The following BCAS3 variants were observed in gnomAD, a reference collection of about 807,000 sequenced individuals.
BCAS3 encodes BCAS4/BCAS3 fusion.
A neutral mutation model predicts 116.1 loss-of-function variants in BCAS3; 53 were observed. The observed-to-expected ratio is 0.46, with a 90% confidence interval of 0.37 to 0.57. The LOEUF is 0.57. BCAS3 is among the 20% of genes least tolerant of loss of function. The probability of loss-of-function intolerance (pLI) is 0.00; values close to 1 mark genes in which losing one functional copy is unlikely to be tolerated. For missense variants in BCAS3, 917 were observed against 1,165.4 expected (o/e 0.79, Z 3.10); for synonymous variants, 391 against 408.2 (o/e 0.96, Z 0.51).
At chr17:61,209,828 G>T (rs1473758717) in intron 22 of BCAS3, among the ~76,000 whole-genome samples, 2 of 152,184 alleles carry the variant, frequency 1.3e-5, no homozygotes, top group Non-Finnish European at 2.9e-5. Context: ...TGGATGGCCG[G>T]CCAGCATAAT....
At chr17:60,868,513 A>G (rs767677837) in intron 7 of BCAS3, 63 bp from the exon 8 acceptor site, 13 of 939,708 alleles carry the variant, frequency 1.4e-5, no homozygotes, top group Non-Finnish European at 2.0e-5. Context: ...ATGAGAAAGT[A>G]TAGAGATTAT....
At chr17:61,370,034 C>G (rs2058965851) in intron 23 of BCAS3, among the ~76,000 whole-genome samples, 1 of 152,204 alleles carries the variant, frequency 6.6e-6, no homozygotes. Context: ...GAGCATCTCA[C>G]TGTCATCCGG....
intron 22 of BCAS3, among the ~76,000 whole-genome samples, chr17:61,338,139 CT>C (rs1225009670): frequency 1.3e-5 from 2 of 152,234 alleles, no homozygotes; most frequent in African/African-American, 2.4e-5. Flanking sequence ...TCAAGTGGTT[CT>C]GATTTTAAGT....
chr17:61,254,542 G>A (rs1371169001), intron 22 of BCAS3, among the ~76,000 whole-genome samples: 2 of 152,054 alleles, frequency 1.3e-5, no homozygotes, highest in African/African-American at 4.8e-5. Context: ...ACTTTGGGAG[G>A]CCGTGGCGGG....
chr17:60,965,813 C>G (rs2061632313), intron 14 of BCAS3, among the ~76,000 whole-genome samples: 1 of 152,162 alleles, frequency 6.6e-6, no homozygotes, highest in Middle Eastern at 3.2e-3. Context: ...AAAATGTATG[C>G]TGCAGCAGTT....
intron 4 of BCAS3, among the ~76,000 whole-genome samples, chr17:60,699,512 C>G (rs937830512): frequency 6.6e-6 from 1 of 152,146 alleles, no homozygotes; most frequent in Middle Eastern, 3.2e-3. Flanking sequence ...TGAGCCACCA[C>G]GCCCAGCCAA....
At chr17:60,883,083 G>A (rs1485300204) in intron 9 of BCAS3, among the ~76,000 whole-genome samples, 2 of 139,732 alleles carry the variant, frequency 1.4e-5, no homozygotes, top group African/African-American at 5.5e-5. Flanking sequence ...AGCATGAAAT[G>A]TTCTTCCATT....
At chr17:60,797,220 A>G (rs569009729) in intron 6 of BCAS3, among the ~76,000 whole-genome samples, 99 of 152,258 alleles carry the variant, frequency 6.5e-4, no homozygotes, top group Non-Finnish European at 1.1e-3. Flanking sequence ...TTAAGTCTGC[A>G]TAATCCGTTT....
rs869116570 is a variant in BCAS3 at position 61,278,951 on chromosome 17, C to CTT, written c.2426-89361_2426-89360dup. Among the ~76,000 whole-genome samples the CTT allele has an allele frequency of 0.012, 1,738 of 140,586 alleles. 44 individuals carry two copies. Among genetic ancestry groups the CTT allele is most frequent in the African/African-American group, 0.043 (1,637 of 38,398 alleles). The allele number at this position is 140,586 out of a possible 152,430, so 92.2% of individuals were successfully genotyped here. On this transcript the variant is annotated intron_variant, in intron 22 of 23. Coordinates refer to ENST00000407086, the MANE Select transcript of BCAS3 (RefSeq NM_017679.5). This position sits in a 1 kb window ranked among gnomAD's most constrained non-coding sequence, Gnocchi z 5.8. Reference sequence around the variant, plus strand: ...ACACTAAAAGCCATTGAATTATGTACTTTTTTTTTTTTTTTTAAAGATGGA... The same window carrying CTT: ...ACACTAAAAGCCATTGAATTATGTACTTTTTTTTTTTTTTTTTTAAAGATGGA...
rs1327115972 is a variant in BCAS3 at position 61,084,117 on chromosome 17, C to T, written c.2328-350C>T. ...ATTCTCAAAACTCTTCATGTGTGTC[C>T]CTTGGAAATCCCAAAGGTTTCAGTA... On this transcript the variant is annotated intron_variant, in intron 21 of 23. Coordinates refer to ENST00000407086, the MANE Select transcript of BCAS3 (RefSeq NM_017679.5). This position sits in a 1 kb window ranked among gnomAD's most constrained non-coding sequence, Gnocchi z 5.5. Among the ~76,000 whole-genome samples, 3 of 152,030 alleles carry T rather than the reference C, an allele frequency of 2.0e-5. No homozygotes were observed. Among genetic ancestry groups the T allele is most frequent in the African/African-American group, 7.3e-5 (3 of 41,360 alleles).
chr17:60,799,737 G>GTTTTTTT (rs2047589837), intron 6 of BCAS3, among the ~76,000 whole-genome samples: 1 of 36,068 alleles, frequency 2.8e-5, no homozygotes, highest in African/African-American at 2.3e-4. Context: ...TTTTTTTTTA[G>GTTTTTTT]TAGAACTGGG....
chr17:60,973,542 C>G (rs553521382), intron 14 of BCAS3, among the ~76,000 whole-genome samples: 4 of 150,794 alleles, frequency 2.7e-5, no homozygotes, highest in African/African-American at 4.9e-5. Flanking sequence ...CGTCAGTGCT[C>G]TCTGCCCTGC....
chr17:61,108,249 A>T (rs1355989873), intron 22 of BCAS3, among the ~76,000 whole-genome samples: 1 of 152,102 alleles, frequency 6.6e-6, no homozygotes, highest in East Asian at 1.9e-4. Context: ...TCCTTCCTGT[A>T]ACTTTTACGT....
At chr17:60,901,200 G>T (rs2145057751) in intron 10 of BCAS3, among the ~76,000 whole-genome samples, 1 of 151,222 alleles carries the variant, frequency 6.6e-6, no homozygotes, top group South Asian at 2.1e-4. Context: ...GACGGAGTGA[G>T]ACTCTGTCTC....
chr17:60,922,618 A>G (rs1599710506), intron 12 of BCAS3, among the ~76,000 whole-genome samples: 4 of 152,230 alleles, frequency 2.6e-5, no homozygotes. Flanking sequence ...ACTATTTTCT[A>G]ACTTGACCAC....
intron 13 of BCAS3, among the ~76,000 whole-genome samples, chr17:60,936,006 C>G (rs963551910): frequency 4.0e-5 from 6 of 151,776 alleles, no homozygotes; most frequent in Admixed American, 1.3e-4. Context: ...ATCCCTCCCC[C>G]CTTCCCCCCA....
chr17:61,010,828 A>G (rs955971051), intron 15 of BCAS3, among the ~76,000 whole-genome samples: 1 of 151,974 alleles, frequency 6.6e-6, no homozygotes, highest in Non-Finnish European at 1.5e-5. Flanking sequence ...TCAAAGCTCT[A>G]GTGGATTTGG....
chr17:60,814,302 T>C (rs532163775), intron 7 of BCAS3, among the ~76,000 whole-genome samples: 3,187 of 138,802 alleles, frequency 0.023, 88 homozygotes, highest in East Asian at 0.081. Flanking sequence ...TGTGTGTGTG[T>C]GTGTGCGCGC....
At chr17:61,345,490 C>A (rs2057450939) in intron 22 of BCAS3, among the ~76,000 whole-genome samples, 1 of 151,874 alleles carries the variant, frequency 6.6e-6, no homozygotes, top group Non-Finnish European at 1.5e-5. Flanking sequence ...AGCCGGGAAC[C>A]CATGGAAAAA....
Sources: allele counts gnomAD v4.1 joint callset (sites outside exome capture counted in the v4.1 genomes callset), GRCh38; gene constraint gnomAD v4.1.1; non-coding constraint Gnocchi (gnomAD v3.1); transcripts MANE v1.5; gene names NCBI Gene and HGNC (gene_info 2026-07-23, HGNC 2026-07-21).